The following RABEP2 variants were observed in gnomAD, a reference collection of about 807,000 sequenced individuals.
RABEP2 encodes rabaptin, RAB GTPase binding effector protein 2.
RABEP2 carries 57 observed loss-of-function variants against 74.1 expected under a neutral mutation model. The ratio of observed to expected loss-of-function variants is 0.77; its 90% CI spans 0.62 to 0.96. The LOEUF is 0.96. RABEP2 is among the 40% of genes least tolerant of loss of function. The pLI is 0.00. For synonymous variants in RABEP2, 351 were observed against 344.0 expected (o/e 1.02, Z -0.23); for missense variants, 692 against 756.3 (o/e 0.91, Z 1.00).
At chr16:28,908,316 G>A (rs1012465190) in intron 8 of RABEP2, among the ~76,000 whole-genome samples, 1 of 152,190 alleles carries the variant, frequency 6.6e-6, no homozygotes, top group Non-Finnish European at 1.5e-5. Context: ...ATAAACCAAA[G>A]ATTATGATAA....
intron 7 of RABEP2, among the ~76,000 whole-genome samples, chr16:28,910,028 C>CAAAA (rs779404464): frequency 5.8e-5 from 4 of 69,136 alleles, no homozygotes; most frequent in East Asian, 3.5e-4. Flanking sequence ...GACTCCGTCT[C>CAAAA]AAAAAAAAAA....
chr16:28,905,899 G>C lies in RABEP2; in HGVS notation c.1424-21C>G. 3 of 1,613,550 alleles carry C rather than the reference G, an allele frequency of 1.9e-6. No individual in the cohort carries two copies. The South Asian group carries it at 3.3e-5, about 18-fold the overall frequency. The stretch of plus-strand genomic sequence containing the variant: ...CACCTCTGTGGGAAGGAAAGAAAGA[G>C]AGGTCAAGGCCAGCCTCTCTCCCCT... On this transcript the variant is annotated intron_variant, in intron 9 of 12. Transcript: ENST00000358201.
In RABEP2 at chr16:28,905,034, TCTAGGCGCAC is replaced by T; in HGVS notation, c.1609_1618del (p.Val537SerfsTer49). 6.2e-7 allele frequency: 1 copy of T among 1,605,464 alleles called. No individual in the cohort carries two copies. Among genetic ancestry groups the T allele is most frequent in the Non-Finnish European group, 8.5e-7 (1 of 1,178,452 alleles). ...CAGGGTCTCAGCCTGGCGGATCCGC[TCTAGGCGCAC>T]CTGCCGGATCGGACGAGGGGAGCAG... On this transcript the variant is annotated frameshift_variant and splice_region_variant, in exon 13 of 13. Transcript: ENST00000358201. LOFTEE classifies it high-confidence loss of function.
rs373994414 is a variant in RABEP2, at chr16:28,904,716, C to A, written c.*227G>T. The A allele has an allele frequency of 7.2e-5, 46 of 640,708 alleles. 1 individual carries two copies. The South Asian group carries it at 8.5e-4, about 12-fold the overall frequency. The allele number at this position is 640,708 out of a possible 1,614,324, so 39.7% of individuals were successfully genotyped here. A position where few individuals can be genotyped will look rare whatever the true frequency, so the allele number is the denominator to read the frequency against. Reference sequence around the variant, plus strand: ...AGGCCTGAGCCTGCACCTTTGGTTCCGGGAGGGGCTTGGGCCCCTCACCCA... The same window carrying A: ...AGGCCTGAGCCTGCACCTTTGGTTCAGGGAGGGGCTTGGGCCCCTCACCCA... On this transcript the variant is annotated 3_prime_UTR_variant, in exon 13 of 13. Transcript: ENST00000358201.
At chr16:28,905,679 C>T (rs1964215923) in intron 11 of RABEP2, 25 bp downstream of exon 11, 9 of 1,612,216 alleles carry the variant, frequency 5.6e-6, no homozygotes, top group Non-Finnish European at 7.6e-6. Flanking sequence ...CCCTCTCCTC[C>T]CAGTCCCCCT....
At chr16:28,924,023 A>T (rs535782278) in intron 2 of RABEP2, 7 of 281,704 alleles carry the variant, frequency 2.5e-5, no homozygotes, top group South Asian at 2.4e-4. Context: ...AGAGCATTAG[A>T]CTCACAGAGA....
Position 28,911,180 on chromosome 16 carries a change from C to G in RABEP2, c.895-1G>C. 6.2e-7 allele frequency: 1 copy of G among 1,608,602 alleles called. No homozygotes were observed. The highest frequency in any genetic ancestry group is 1.1e-5 in the South Asian group (1 of 90,944). ...CCAGGTCCTTCTGCAGCTGTCGGCCCTGCCACAGACCCTGCCTTCAGCCTG... is the reference window on the plus strand; with the variant it reads ...CCAGGTCCTTCTGCAGCTGTCGGCCGTGCCACAGACCCTGCCTTCAGCCTG... On this transcript the variant is annotated splice_acceptor_variant, in intron 5 of 12. Coordinates refer to ENST00000358201, the MANE Select transcript of RABEP2 (RefSeq NM_024816.3). LOFTEE classifies it high-confidence loss of function.
chr16:28,916,941 A>G (rs1964404202), intron 3 of RABEP2, among the ~76,000 whole-genome samples: 1 of 150,682 alleles, frequency 6.6e-6, no homozygotes, highest in African/African-American at 2.4e-5. Context: ...ATGAGCTGAG[A>G]TGGCACCACT....
At chr16:28,909,606 C>G (rs1360023056) in intron 7 of RABEP2, among the ~76,000 whole-genome samples, 1 of 151,950 alleles carries the variant, frequency 6.6e-6, no homozygotes, top group East Asian at 1.9e-4. Context: ...CCCAGCTACT[C>G]AGGAGGGTGA....
chr16:28,911,251 A>T lies in RABEP2; in HGVS notation c.895-72T>A, dbSNP rs959795709. The T allele has an allele frequency of 1.6e-5, 23 of 1,424,050 alleles. No homozygotes were observed. The Admixed American group carries it at 3.2e-4, about 20-fold the overall frequency. 88.2% of individuals were successfully genotyped at this position (1,424,050 alleles called of 1,614,324 possible). ...CCCCTCACCACACTTCTCGTGGCCC[A>T]CCTCTGCAGGGAGGTGCCCTCATCC... On this transcript the variant is annotated intron_variant, in intron 5 of 12. Transcript: ENST00000358201.
intron 2 of RABEP2, 151 bp from the exon 3 acceptor site, chr16:28,920,094 G>T: frequency 1.1e-6 from 1 of 924,546 alleles, no homozygotes; most frequent in Non-Finnish European, 1.5e-6. Context: ...ATTGACCTGG[G>T]CAATCACTCA....
chr16:28,917,507 T>C (rs138908395), intron 3 of RABEP2, among the ~76,000 whole-genome samples: 1,588 of 151,998 alleles, frequency 0.01, 23 homozygotes, highest in African/African-American at 0.035. Flanking sequence ...GCAACCTCCG[T>C]CTCCTGGGTT....
At position 28,908,598 on chromosome 16, in the gene RABEP2, ACT is replaced by A; in HGVS notation, c.1245+9_1245+10del. 1 of 1,601,618 alleles carries A rather than the reference ACT, an allele frequency of 6.2e-7. No individual in the cohort carries two copies. Among genetic ancestry groups the A allele is most frequent in the Non-Finnish European group, 8.5e-7 (1 of 1,173,684 alleles). ...GTGGCTCCAGGCTCTCAGTGCCCAC[ACT>A]CAGCTTACTGGCACAGAGCTGGGCA... On this transcript the variant is annotated intron_variant, in intron 8 of 12. Transcript: ENST00000358201.
intron 8 of RABEP2, among the ~76,000 whole-genome samples, chr16:28,906,637 C>T (rs190732653): frequency 2.6e-5 from 4 of 152,186 alleles, no homozygotes; most frequent in South Asian, 2.1e-4. Flanking sequence ...TGGTGGTGCA[C>T]GCCTGTAGTC....
At chr16:28,906,748 G>C (rs1373325501) in intron 8 of RABEP2, among the ~76,000 whole-genome samples, 1 of 152,010 alleles carries the variant, frequency 6.6e-6, no homozygotes, top group Non-Finnish European at 1.5e-5. Context: ...CTGGGCGACA[G>C]AACAAGACTC....
intron 2 of RABEP2, among the ~76,000 whole-genome samples, chr16:28,922,228 TA>T (rs1490644978): frequency 1.3e-5 from 2 of 152,186 alleles, no homozygotes; most frequent in African/African-American, 4.8e-5. Flanking sequence ...TGATTTTTGG[TA>T]GAACGTGGTC....
Position 28,911,124 on chromosome 16 carries a change from T to A in RABEP2, c.950A>T (p.Gln317Leu). ...CTCATTGCTCCGTCTCAGGCCCTCTTGGAGCTCGTCCCGCTCGCGACTGAC... is the reference window on the plus strand; with the variant it reads ...CTCATTGCTCCGTCTCAGGCCCTCTAGGAGCTCGTCCCGCTCGCGACTGAC... Reference protein sequence around the residue: ...ESVSRERDELQEGLRRSNEDC... With the variant: ...ESVSRERDELLEGLRRSNEDC... The change falls in exon 6 of 13, where the codon CAA (glutamine) becomes CTA (leucine). Residue 317 changes from glutamine to leucine, a missense_variant. By Grantham distance (113) the Gln-to-Leu change is moderately radical (BLOSUM62 -2). Coordinates refer to ENST00000358201, the MANE Select transcript of RABEP2 (RefSeq NM_024816.3). The A allele has an allele frequency of 5.0e-6, 8 of 1,613,178 alleles. No individual in the cohort carries two copies. Among genetic ancestry groups the A allele is most frequent in the Non-Finnish European group, 6.8e-6 (8 of 1,180,012 alleles).
chr16:28,910,545 G>GTA, intron 7 of RABEP2: 1 of 195,322 alleles, frequency 5.1e-6, no homozygotes, highest in East Asian at 1.4e-4. Flanking sequence ...AAAGTGCTAG[G>GTA]ATTACAGGTA....
At chr16:28,920,681 C>T (rs972556510) in intron 2 of RABEP2, among the ~76,000 whole-genome samples, 31 of 152,112 alleles carry the variant, frequency 2.0e-4, no homozygotes, top group Non-Finnish European at 4.4e-4. Flanking sequence ...CCACTGCTCC[C>T]AGCCCTTTTT....
Sources: gnomAD v4.1 joint callset for allele counts (sites outside exome capture counted in the v4.1 genomes callset) on GRCh38, gnomAD v4.1.1 for gene constraint, MANE v1.5 for transcripts, NCBI Gene and HGNC (gene_info 2026-07-23, HGNC 2026-07-21) for gene names.